The following VWC2L variants were observed in gnomAD, a reference collection of about 807,000 sequenced individuals.
The protein encoded by VWC2L is von Willebrand factor C domain containing 2 like, also known as von Willebrand factor C domain-containing protein 2-like.
VWC2L carries 10 observed loss-of-function variants against 21.6 expected under a neutral mutation model. That is an observed-to-expected ratio of 0.46 (90% CI 0.29 to 0.78). VWC2L has a LOEUF of 0.78. Ranked by LOEUF, VWC2L falls within the 30% of genes least tolerant of loss-of-function variation. The probability of loss-of-function intolerance (pLI) is 0.10; values close to 1 mark genes in which losing one functional copy is unlikely to be tolerated. For synonymous variants in VWC2L, 96 were observed against 94.3 expected (o/e 1.02, Z -0.10); for missense variants, 209 against 277.1 (o/e 0.75, Z 1.74).
At chr2:214,569,564 G>C (rs942483293) in intron 3 of VWC2L, among the ~76,000 whole-genome samples, 1 of 152,206 alleles carries the variant, frequency 6.6e-6, no homozygotes, top group African/African-American at 2.4e-5. Context: ...TTCCTGAAGA[G>C]TTAACTATTT....
At chr2:214,499,060 C>A (rs1688854701) in intron 3 of VWC2L, among the ~76,000 whole-genome samples, 1 of 136,852 alleles carries the variant, frequency 7.3e-6, no homozygotes, top group African/African-American at 2.8e-5. Flanking sequence ...TTGCTGTCAC[C>A]CAGGCTAGAG....
chr2:214,412,032 T>A (rs890731050), intron 1 of VWC2L, among the ~76,000 whole-genome samples: 5 of 151,864 alleles, frequency 3.3e-5, no homozygotes, highest in African/African-American at 9.7e-5. Flanking sequence ...AGGCTTTTTT[T>A]TAAAAAAAAA....
chr2:214,489,324 T>C (rs990038988), intron 3 of VWC2L, among the ~76,000 whole-genome samples: 5 of 152,158 alleles, frequency 3.3e-5, no homozygotes, highest in African/African-American at 1.2e-4. Flanking sequence ...AGAAATAGAA[T>C]ATAAATTTTT....
At chr2:214,448,367 G>A (rs1045230192) in intron 3 of VWC2L, among the ~76,000 whole-genome samples, 2 of 152,198 alleles carry the variant, frequency 1.3e-5, no homozygotes, top group South Asian at 2.1e-4. Context: ...CTTTTGAAAT[G>A]TATGTTTTCT....
At chr2:214,426,954 T>C (rs1369617769) in intron 2 of VWC2L, among the ~76,000 whole-genome samples, 1 of 152,162 alleles carries the variant, frequency 6.6e-6, no homozygotes, top group African/African-American at 2.4e-5. Flanking sequence ...GCTCCCACTG[T>C]CAAAAGAAGT....
At chr2:214,430,642 A>G (rs1372114089) in intron 2 of VWC2L, among the ~76,000 whole-genome samples, 1 of 152,170 alleles carries the variant, frequency 6.6e-6, no homozygotes, top group Non-Finnish European at 1.5e-5. Flanking sequence ...TCATTTCACT[A>G]AAATGCTTAT....
chr2:214,490,139 G>C (rs943152235), intron 3 of VWC2L, among the ~76,000 whole-genome samples: 1 of 152,120 alleles, frequency 6.6e-6, no homozygotes, highest in Admixed American at 6.6e-5. Flanking sequence ...GAATGGATCA[G>C]TTGGATCCCA....
intron 3 of VWC2L, among the ~76,000 whole-genome samples, chr2:214,443,432 T>C (rs1350476783): frequency 6.6e-6 from 1 of 151,384 alleles, no homozygotes; most frequent in Admixed American, 6.6e-5. Context: ...CAGAAAGGCA[T>C]TGTATATTTT....
intron 2 of VWC2L, among the ~76,000 whole-genome samples, chr2:214,435,430 G>T (rs1175644548): frequency 1.3e-5 from 2 of 152,104 alleles, no homozygotes; most frequent in Non-Finnish European, 2.9e-5. Flanking sequence ...TTAAAGTTAG[G>T]CTGTCATTCT....
At chr2:214,474,041 G>A (rs1013863239) in intron 3 of VWC2L, among the ~76,000 whole-genome samples, 3 of 151,868 alleles carry the variant, frequency 2.0e-5, no homozygotes, top group South Asian at 2.1e-4. Context: ...GCAGTCTTAC[G>A]ATTTTATCCA....
chr2:214,506,263 T>C (rs1356241254), intron 3 of VWC2L, among the ~76,000 whole-genome samples: 1 of 152,182 alleles, frequency 6.6e-6, no homozygotes. Flanking sequence ...TTTATATCTG[T>C]AGCATTTGAA....
intron 3 of VWC2L, among the ~76,000 whole-genome samples, chr2:214,439,038 G>T (rs945226186): frequency 2.0e-5 from 3 of 151,982 alleles, no homozygotes; most frequent in Admixed American, 6.6e-5. Context: ...AACATTATGA[G>T]ATGTTATCTT....
At chr2:214,505,122 T>C (rs1688949795) in intron 3 of VWC2L, among the ~76,000 whole-genome samples, 1 of 152,224 alleles carries the variant, frequency 6.6e-6, no homozygotes, top group Non-Finnish European at 1.5e-5. Flanking sequence ...AACTGTGTTC[T>C]CGTTTCCTAT....
intron 3 of VWC2L, among the ~76,000 whole-genome samples, chr2:214,488,814 C>A (rs1320897570): frequency 2.6e-5 from 4 of 152,206 alleles, no homozygotes; most frequent in African/African-American, 9.6e-5. Context: ...GATCACGTGG[C>A]AAGAGTGGAA....
intron 3 of VWC2L, among the ~76,000 whole-genome samples, chr2:214,533,260 T>C (rs1689470067): frequency 6.6e-6 from 1 of 152,084 alleles, no homozygotes; most frequent in Non-Finnish European, 1.5e-5. Context: ...TATATTTATA[T>C]GTATGCAGAT....
chr2:214,414,691 T>C, intron 2 of VWC2L, 108 bp downstream of exon 2: 1 of 1,244,932 alleles, frequency 8.0e-7, no homozygotes, highest in Non-Finnish European at 1.1e-6. Flanking sequence ...AAAATTTCCC[T>C]TTAAATTATA....
chr2:214,565,213 A>G (rs191164478), intron 3 of VWC2L, among the ~76,000 whole-genome samples: 73 of 152,280 alleles, frequency 4.8e-4, no homozygotes, highest in Admixed American at 7.9e-4. Context: ...TTTTTAAGCA[A>G]TAAGAAAAAA....
At chr2:214,433,504 TC>T (rs1180614694) in intron 2 of VWC2L, among the ~76,000 whole-genome samples, 1 of 152,186 alleles carries the variant, frequency 6.6e-6, no homozygotes, top group Non-Finnish European at 1.5e-5. Context: ...ATAGCTTTAT[TC>T]TTTAAACTTT....
rs542898671 is a variant in VWC2L, at chr2:214,492,588, G to A, written c.520+55830G>A. Reference sequence around the variant, plus strand: ...GACTATATCTAGGATTGGTGAGGACGTTAAAATGAATGTGTTCACTTATCG... The same window carrying A: ...GACTATATCTAGGATTGGTGAGGACATTAAAATGAATGTGTTCACTTATCG... On this transcript the variant is annotated intron_variant, in intron 3 of 3. Transcript: ENST00000312504. 2.9e-4 allele frequency among the ~76,000 whole-genome samples: 44 copies of A among 152,272 alleles called. No individual in the cohort carries two copies. In the South Asian group the frequency reaches 5.4e-3, roughly 19 times the overall value.
Sources: gnomAD v4.1 joint callset for allele counts (sites outside exome capture counted in the v4.1 genomes callset) on GRCh38, gnomAD v4.1.1 for gene constraint, MANE v1.5 for transcripts, NCBI Gene and HGNC (gene_info 2026-07-23, HGNC 2026-07-21) for gene names.